The following IFRD1 variants were observed in gnomAD, a reference collection of about 807,000 sequenced individuals.
IFRD1 encodes interferon-related developmental regulator 1.
IFRD1 carries 35 observed loss-of-function variants against 52.9 expected under a neutral mutation model. The observed-to-expected ratio is 0.66, with a 90% CI of 0.51 to 0.88. The LOEUF is 0.88. Among genes scored for constraint, IFRD1 ranks in the 40% least tolerant of loss-of-function variants. IFRD1 has a pLI of 0.00. For missense variants in IFRD1, 517 were observed against 550.8 expected (o/e 0.94, Z 0.61); for synonymous variants, 184 against 188.4 (o/e 0.98, Z 0.19).
At chr7:112,438,268 T>C (rs901322327) in intron 1 of IFRD1, among the ~76,000 whole-genome samples, 1 of 152,122 alleles carries the variant, frequency 6.6e-6, no homozygotes, top group African/African-American at 2.4e-5. Context: ...AAAAAAGTAA[T>C]AACAGCACAA....
chr7:112,431,228 T>C (rs904432959), intron 1 of IFRD1, among the ~76,000 whole-genome samples: 1 of 152,242 alleles, frequency 6.6e-6, no homozygotes, highest in Non-Finnish European at 1.5e-5. Flanking sequence ...GAAATTATTA[T>C]ACGAAGACAT....
rs371767545 is a variant in IFRD1 at position 112,430,379 on chromosome 7, G to A, written c.-182+6947G>A. On this transcript the variant is annotated intron_variant, in intron 1 of 12. Coordinates refer to the IFRD1 transcript ENST00000005558. ...GGGAAGCCTGGCAACAATCTGGAAG[G>A]TGGTTCTGAGATGGCCAGGGGTGGC... is the stretch of plus-strand genomic sequence containing the variant. Among the ~76,000 whole-genome samples, 5 of 152,326 alleles carry A rather than the reference G, an allele frequency of 3.3e-5. No homozygotes were observed. The East Asian group carries it at 9.7e-4, about 29-fold the overall frequency.
At chr7:112,456,488 A>C (rs1366129813) in intron 3 of IFRD1, among the ~76,000 whole-genome samples, 1 of 152,208 alleles carries the variant, frequency 6.6e-6, no homozygotes, top group Non-Finnish European at 1.5e-5. Flanking sequence ...TGTCAAAGCT[A>C]GATTGTTTCT....
In IFRD1 at chr7:112,476,658, C is replaced by CA. The variant is rs1289240926; in HGVS notation, c.*1145dup. ...GTGAGACCTTGTCTCAAAAGCAAAA[C>CA]AAAAAAGAATATTGCTGCTTGTTTG... On this transcript the variant is annotated 3_prime_UTR_variant, in exon 12 of 12. Transcript: ENST00000403825. 2 of 151,968 alleles carry CA rather than the reference C, an allele frequency of 1.3e-5. No individual in the cohort carries two copies. Among genetic ancestry groups the CA allele is most frequent in the Non-Finnish European group, 1.5e-5 (1 of 67,972 alleles). 9.4% of individuals were successfully genotyped at this position (151,968 alleles called of 1,614,324 possible).
intron 8 of IFRD1, 117 bp from the exon 9 acceptor site, chr7:112,467,864 T>G: frequency 1.0e-6 from 1 of 981,924 alleles, no homozygotes; most frequent in East Asian, 2.6e-5. Flanking sequence ...CCATGAAGAT[T>G]TACATTGCCT....
intron 11 of IFRD1, 68 bp downstream of exon 11, chr7:112,472,929 A>G: frequency 9.5e-7 from 1 of 1,052,504 alleles, no homozygotes; most frequent in Non-Finnish European, 1.5e-6. Flanking sequence ...AGTGTCAGCA[A>G]CTTAGCTGTG....
At chr7:112,455,505 AAAAC>A in intron 1 of IFRD1, among the ~76,000 whole-genome samples, 1 of 152,048 alleles carries the variant, frequency 6.6e-6, no homozygotes, top group East Asian at 1.9e-4. Flanking sequence ...AAAACAAAAC[AAAAC>A]AAAAAAAAGA....
At chr7:112,457,367 T>G in intron 4 of IFRD1, 1 of 444,200 alleles carries the variant, frequency 2.3e-6, no homozygotes, top group Non-Finnish European at 4.0e-6. Flanking sequence ...TCATTTTCCC[T>G]TGCACTTATA....
At chr7:112,429,684 G>T (rs78988616) in intron 1 of IFRD1, among the ~76,000 whole-genome samples, 3,842 of 152,258 alleles carry the variant, frequency 0.025, 146 homozygotes, top group African/African-American at 0.087. Flanking sequence ...ACTAAAATGG[G>T]ACTCATGATA....
At chr7:112,447,094 C>T (rs975954186), upstream of IFRD1, among the ~76,000 whole-genome samples, 17 of 152,172 alleles carry the variant, frequency 1.1e-4, no homozygotes, top group Admixed American at 2.6e-4. Flanking sequence ...TTTATGCCTT[C>T]AAGGAAGGTA....
chr7:112,440,980 A>G (rs996687338), intron 1 of IFRD1, among the ~76,000 whole-genome samples: 1 of 152,158 alleles, frequency 6.6e-6, no homozygotes, highest in Non-Finnish European at 1.5e-5. Flanking sequence ...TACAAAAAAT[A>G]CAAAAATTAG....
rs202190791 is a variant in IFRD1 at position 112,455,910 on chromosome 7, T to A, written c.199+43T>A. ...AAATTTGCAACTTTAGATAAAATGTTTCAGGTGGAGGAATTCTTGTAGCTA... is the reference window on the plus strand; with the variant it reads ...AAATTTGCAACTTTAGATAAAATGTATCAGGTGGAGGAATTCTTGTAGCTA... On this transcript the variant is annotated intron_variant, in intron 2 of 11. Coordinates refer to ENST00000403825, the MANE Select transcript of IFRD1 (RefSeq NM_001550.4). The A allele has an allele frequency of 6.7e-6, 10 of 1,496,454 alleles. No homozygotes were observed. In the East Asian group the frequency reaches 2.0e-4, roughly 30 times the overall value. 92.7% of individuals were successfully genotyped at this position (1,496,454 alleles called of 1,614,324 possible). A position where few individuals can be genotyped will look rare whatever the true frequency, so the allele number is the denominator to read the frequency against.
In IFRD1 at chr7:112,476,261, A is replaced by C. The variant is rs978213364; in HGVS notation, c.*742A>C. 1 of 152,118 alleles carries C rather than the reference A, an allele frequency of 6.6e-6. No homozygotes were observed. The highest frequency in any genetic ancestry group is 2.4e-5 in the African/African-American group (1 of 41,458). 9.4% of individuals were successfully genotyped at this position (152,118 alleles called of 1,614,324 possible). On this transcript the variant is annotated 3_prime_UTR_variant, in exon 12 of 12. Coordinates refer to ENST00000403825, the MANE Select transcript of IFRD1 (RefSeq NM_001550.4). ...GTACAGAGTCCAAAATGACTAGGCC[A>C]GGTGGGCAGGGAGACAAAGCTTTAT...
intron 1 of IFRD1, among the ~76,000 whole-genome samples, chr7:112,454,260 C>G (rs562040104): frequency 1.3e-3 from 201 of 151,742 alleles, no homozygotes; most frequent in Non-Finnish European, 2.4e-3. Flanking sequence ...ATGGTGCTAT[C>G]TCGGCTCACT....
Position 112,450,877 on chromosome 7 carries a change from A to G in IFRD1, c.94+95A>G, listed in dbSNP as rs2117279163. 4.6e-6 allele frequency: 4 copies of G among 865,432 alleles called. No homozygotes were observed. The East Asian group carries it at 9.8e-5, about 21-fold the overall frequency. 53.6% of individuals were successfully genotyped at this position (865,432 alleles called of 1,614,324 possible). ...GGTGGGAGTTGTAGTTCTTTCTCTG[A>G]TGTACACATTTGCATTTCCAGGGTG... On this transcript the variant is annotated intron_variant, in intron 1 of 11. Transcript: ENST00000403825.
chr7:112,436,526 G>A (rs1794696684), intron 1 of IFRD1, among the ~76,000 whole-genome samples: 1 of 151,930 alleles, frequency 6.6e-6, no homozygotes, highest in Non-Finnish European at 1.5e-5. Context: ...TATTTGTTGA[G>A]TGCCTGTCTG....
At chr7:112,424,498 TC>T (rs1160838822) in intron 1 of IFRD1, among the ~76,000 whole-genome samples, 1 of 151,866 alleles carries the variant, frequency 6.6e-6, no homozygotes, top group Non-Finnish European at 1.5e-5. Flanking sequence ...CATTGCACCC[TC>T]CGCCTCCCAG....
At chr7:112,462,897 C>T (rs1323718029) in intron 8 of IFRD1, among the ~76,000 whole-genome samples, 1 of 152,170 alleles carries the variant, frequency 6.6e-6, no homozygotes, top group Non-Finnish European at 1.5e-5. Context: ...TGTTAGTTAC[C>T]ATGGCTTGGC....
At chr7:112,443,862 CAA>C (rs34476872) in intron 1 of IFRD1, among the ~76,000 whole-genome samples, 2 of 103,630 alleles carry the variant, frequency 1.9e-5, no homozygotes, top group East Asian at 3.2e-4. Flanking sequence ...AACTCTGTTT[CAA>C]AAAAAAAAAA....
Sources: gnomAD v4.1 joint callset for allele counts (sites outside exome capture counted in the v4.1 genomes callset) on GRCh38, gnomAD v4.1.1 for gene constraint, MANE v1.5 for transcripts, NCBI Gene and HGNC (gene_info 2026-07-23, HGNC 2026-07-21) for gene names.